The following RIMBP2 variants were observed in gnomAD, a reference collection of about 807,000 sequenced individuals.
RIMBP2 encodes the protein RIMS binding protein 2.
Under a neutral mutation model 118.6 loss-of-function variants are expected in RIMBP2, and 48 were observed. The observed-to-expected ratio is 0.40, with a 90% CI of 0.32 to 0.51. RIMBP2 has a LOEUF of 0.51. RIMBP2 is among the 20% of genes least tolerant of loss of function. RIMBP2 has a pLI of 0.41. For missense variants in RIMBP2, 1,551 were observed against 1,768.3 expected (o/e 0.88, Z 2.20); for synonymous variants, 762 against 742.9 (o/e 1.03, Z -0.42).
chr12:130,588,614 G>T (rs1010097160), intron 2 of RIMBP2, among the ~76,000 whole-genome samples: 19 of 152,212 alleles, frequency 1.2e-4, no homozygotes, highest in African/African-American at 4.3e-4. Context: ...GGTCCTCATT[G>T]TCAGAACCAG....
At chr12:130,433,746 G>A (rs1047499878) in intron 14 of RIMBP2, among the ~76,000 whole-genome samples, 2 of 152,084 alleles carry the variant, frequency 1.3e-5, no homozygotes, top group Non-Finnish European at 2.9e-5. Context: ...TGTGATTATT[G>A]GAGCTATGGC....
In RIMBP2 at chr12:130,703,272, G is replaced by T. The variant is rs1280818725; in HGVS notation, c.-352+12950C>A. On this transcript the variant is annotated intron_variant, in intron 1 of 22. Coordinates refer to ENST00000690449, the MANE Select transcript of RIMBP2 (RefSeq NM_001393629.1). The surrounding 1 kb of genome is among the most constrained non-coding windows in gnomAD (Gnocchi z 5.7). ...CTTGTGCACCCCGATTAACCTCCAG[G>T]CGGGCTCCCCCTCCGCCCTGGACAT... is the stretch of plus-strand genomic sequence containing the variant. 6.6e-6 allele frequency among the ~76,000 whole-genome samples: 1 copy of T among 152,084 alleles called. No homozygotes were observed. Among genetic ancestry groups the T allele is most frequent in the African/African-American group, 2.4e-5 (1 of 41,402 alleles).
intron 1 of RIMBP2, among the ~76,000 whole-genome samples, chr12:130,652,151 C>T (rs1351003943): frequency 6.6e-6 from 1 of 152,186 alleles, no homozygotes. Flanking sequence ...TGGAGTGTAG[C>T]TTTGGCATAA....
chr12:130,451,610 A>G (rs778470166), intron 7 of RIMBP2, among the ~76,000 whole-genome samples: 6 of 152,288 alleles, frequency 3.9e-5, no homozygotes, highest in Middle Eastern at 3.4e-3. Flanking sequence ...AGAGGGAACT[A>G]AAGGAGAGTT....
Position 130,436,830 on chromosome 12 carries a change from C to T in RIMBP2, c.2106+12G>A. ...GACTGAGGAGCCACCGAGGCGGGAGCCCCAGCCTTACCCTGCTGCTCTCGG... is the reference window on the plus strand; with the variant it reads ...GACTGAGGAGCCACCGAGGCGGGAGTCCCAGCCTTACCCTGCTGCTCTCGG... On this transcript the variant is annotated intron_variant, in intron 13 of 22. Transcript: ENST00000690449. 1.4e-6 allele frequency: 2 copies of T among 1,388,140 alleles called. No individual in the cohort carries two copies. Among genetic ancestry groups the T allele is most frequent in the African/African-American group, 3.0e-5 (2 of 66,406 alleles). The allele number at this position is 1,388,140 out of a possible 1,614,324, so 86.0% of individuals were successfully genotyped here. A position where few individuals can be genotyped will look rare whatever the true frequency, so the allele number is the denominator to read the frequency against.
chr12:130,408,237 T>G (rs1301566911), intron 19 of RIMBP2, among the ~76,000 whole-genome samples: 1 of 152,162 alleles, frequency 6.6e-6, no homozygotes, highest in African/African-American at 2.4e-5. Flanking sequence ...AGACACAGTT[T>G]TAAAAGTGCC....
intron 1 of RIMBP2, among the ~76,000 whole-genome samples, chr12:130,632,792 A>G (rs968604147): frequency 1.1e-4 from 16 of 152,274 alleles, no homozygotes; most frequent in Admixed American, 8.5e-4. Flanking sequence ...TAATGAGCCC[A>G]TGTAAAATTG....
chr12:130,442,347 C>A lies in RIMBP2; in HGVS notation c.1005G>T (p.Glu335Asp). The A allele has an allele frequency of 6.2e-7, 1 of 1,614,218 alleles. No individual in the cohort carries two copies. Among genetic ancestry groups the A allele is most frequent in the East Asian group, 2.2e-5 (1 of 44,866 alleles). The change falls in exon 11 of 23, where the codon GAG (glutamate) becomes GAT (aspartate). Residue 335 changes from glutamate to aspartate, a missense_variant. Transcript: ENST00000690449. The surrounding 1 kb of genome is among the most constrained non-coding windows in gnomAD (Gnocchi z 6.9). ...QLAKSVIVGW[E>D]PPAVPPGWGT... ...CCCATCCTGGTGGCACCGCCGGGGG[C>A]TCCCAGCCCACAATAACACTTTTGG...
chr12:130,410,268 A>G (rs1306324304), intron 19 of RIMBP2, among the ~76,000 whole-genome samples: 4 of 152,128 alleles, frequency 2.6e-5, no homozygotes, highest in African/African-American at 9.7e-5. Flanking sequence ...GTCTTTGTGT[A>G]TTCTGAATGC....
At chr12:130,639,212 A>AC (rs2062491866) in intron 1 of RIMBP2, among the ~76,000 whole-genome samples, 1 of 151,602 alleles carries the variant, frequency 6.6e-6, no homozygotes, top group Admixed American at 6.6e-5. Context: ...ACATAGTGAA[A>AC]CCCCCATCTC....
intron 2 of RIMBP2, among the ~76,000 whole-genome samples, chr12:130,585,067 CTT>C (rs767661642): frequency 1.1e-4 from 17 of 152,094 alleles, no homozygotes; most frequent in Admixed American, 9.2e-4. Flanking sequence ...TTTAAATTGT[CTT>C]TGTAGAGATG....
At chr12:130,592,902 G>A (rs371423017) in intron 2 of RIMBP2, among the ~76,000 whole-genome samples, 2 of 152,168 alleles carry the variant, frequency 1.3e-5, no homozygotes, top group African/African-American at 2.4e-5. Context: ...GAGAGCGAGC[G>A]CGGCTTCCAC....
At chr12:130,689,431 C>T (rs1384934108) in intron 1 of RIMBP2, among the ~76,000 whole-genome samples, 1 of 152,082 alleles carries the variant, frequency 6.6e-6, no homozygotes, top group Non-Finnish European at 1.5e-5. Flanking sequence ...GAAATTCCAT[C>T]TCAAAAATTA....
At chr12:130,433,680 G>T (rs1245029191) in intron 14 of RIMBP2, among the ~76,000 whole-genome samples, 1 of 152,184 alleles carries the variant, frequency 6.6e-6, no homozygotes, top group South Asian at 2.1e-4. Context: ...TGACTGGAAG[G>T]AAGTCTGGCT....
intron 2 of RIMBP2, among the ~76,000 whole-genome samples, chr12:130,531,161 T>A (rs905012507): frequency 6.6e-6 from 1 of 152,204 alleles, no homozygotes; most frequent in Non-Finnish European, 1.5e-5. Flanking sequence ...TCCAGATGGA[T>A]TTTTTCAGAT....
At chr12:130,707,221 G>C (rs2066165053) in intron 1 of RIMBP2, among the ~76,000 whole-genome samples, 1 of 152,222 alleles carries the variant, frequency 6.6e-6, no homozygotes, top group South Asian at 2.1e-4. Context: ...ACTTCCAACT[G>C]CCAGTCGTAT....
chr12:130,677,340 C>A (rs1388428335), intron 1 of RIMBP2, among the ~76,000 whole-genome samples: 1 of 152,092 alleles, frequency 6.6e-6, no homozygotes, highest in Non-Finnish European at 1.5e-5. Context: ...TTAAGGTTAT[C>A]TTTAGGGCCG....
chr12:130,435,392 T>G (rs1269613331), intron 13 of RIMBP2, among the ~76,000 whole-genome samples: 1 of 152,204 alleles, frequency 6.6e-6, no homozygotes, highest in Non-Finnish European at 1.5e-5. Flanking sequence ...GACTCCTCAT[T>G]CCCTCCATTG....
intron 4 of RIMBP2, among the ~76,000 whole-genome samples, chr12:130,494,781 C>G (rs1223178528): frequency 6.6e-6 from 1 of 152,232 alleles, no homozygotes; most frequent in Non-Finnish European, 1.5e-5. Flanking sequence ...AGCACTTGGC[C>G]TTATGTGGGA....
Sources: allele counts gnomAD v4.1 joint callset (sites outside exome capture counted in the v4.1 genomes callset), GRCh38; gene constraint gnomAD v4.1.1; non-coding constraint Gnocchi (gnomAD v3.1); transcripts MANE v1.5; gene names NCBI Gene and HGNC (gene_info 2026-07-23, HGNC 2026-07-21).